NAV3: variants seen among roughly 807,000 people sequenced by gnomAD.
NAV3 encodes the protein pore membrane and/or filament interacting like protein 1.
Under a neutral mutation model 244.7 loss-of-function variants are expected in NAV3, and 87 were observed. That is an observed-to-expected ratio of 0.36 (90% CI 0.30 to 0.42). The LOEUF (loss-of-function observed/expected upper bound fraction) is 0.42, where lower values mean the gene tolerates loss of function less well. NAV3 is among the 20% of genes least tolerant of loss of function. The pLI is 1.00. For synonymous variants in NAV3, 1,126 were observed against 1,042.2 expected (o/e 1.08, Z -1.55); for missense variants, 2,663 against 2,893.3 (o/e 0.92, Z 1.83).
intron 2 of NAV3, among the ~76,000 whole-genome samples, chr12:77,765,486 G>C (rs1030397456): frequency 6.6e-6 from 1 of 152,120 alleles, no homozygotes; most frequent in African/African-American, 2.4e-5. Context: ...ACTCACAAGA[G>C]CACAAAAGCA....
intron 2 of NAV3, among the ~76,000 whole-genome samples, chr12:77,588,174 G>A (rs1869721984): frequency 6.9e-6 from 1 of 144,204 alleles, no homozygotes; most frequent in African/African-American, 2.5e-5. Flanking sequence ...CTGAAGTGCA[G>A]TGGTGTGATC....
intron 13 of NAV3, 21 bp from the exon 14 acceptor site, chr12:78,118,006 C>A: frequency 1.3e-6 from 2 of 1,522,546 alleles, no homozygotes; most frequent in South Asian, 1.3e-5. Context: ...TAAAGTTTTT[C>A]TGTAATATTT....
intron 8 of NAV3, among the ~76,000 whole-genome samples, chr12:78,016,997 A>AAC (rs1206039846): frequency 6.6e-6 from 1 of 152,120 alleles, no homozygotes; most frequent in African/African-American, 2.4e-5. Flanking sequence ...CATGGAGTTA[A>AAC]ACTGCAGGGT....
At chr12:77,952,815 G>T (rs1891027518) in intron 3 of NAV3, among the ~76,000 whole-genome samples, 1 of 152,140 alleles carries the variant, frequency 6.6e-6, no homozygotes, top group Non-Finnish European at 1.5e-5. Flanking sequence ...CTGGGAGAGG[G>T]AGTGGTCTTG....
At chr12:77,675,700 C>G (rs1342325413) in intron 2 of NAV3, among the ~76,000 whole-genome samples, 2 of 152,144 alleles carry the variant, frequency 1.3e-5, no homozygotes, top group African/African-American at 4.8e-5. Flanking sequence ...CTCAGACCAC[C>G]TTCCTCTCAA....
intron 9 of NAV3, among the ~76,000 whole-genome samples, chr12:78,049,702 A>G (rs1368786994): frequency 1.3e-5 from 2 of 152,156 alleles, no homozygotes; most frequent in East Asian, 3.9e-4. Context: ...GATCCCAGCA[A>G]CATGGATTAG....
intron 5 of NAV3, among the ~76,000 whole-genome samples, chr12:77,993,150 T>C (rs535410675): frequency 6.6e-6 from 1 of 152,292 alleles, no homozygotes; most frequent in African/African-American, 2.4e-5. Flanking sequence ...AGATTTATAT[T>C]ATGGCACGTC....
At chr12:77,676,052 G>A (rs1874189654) in intron 2 of NAV3, among the ~76,000 whole-genome samples, 1 of 152,128 alleles carries the variant, frequency 6.6e-6, no homozygotes, top group South Asian at 2.1e-4. Flanking sequence ...CACATGGGAA[G>A]CAAGCAGCTT....
chr12:77,895,377 T>C (rs1286022886), intron 1 of NAV3, among the ~76,000 whole-genome samples: 3 of 151,066 alleles, frequency 2.0e-5, no homozygotes. Flanking sequence ...AATAGCAGAT[T>C]GTGGGTGATA....
At chr12:77,782,927 A>G (rs768599324) in intron 2 of NAV3, among the ~76,000 whole-genome samples, 2 of 152,084 alleles carry the variant, frequency 1.3e-5, no homozygotes, top group African/African-American at 2.4e-5. Context: ...TGCTGATGCA[A>G]TGTCACAGGC....
chr12:77,580,364 C>T (rs554081415), intron 2 of NAV3, among the ~76,000 whole-genome samples: 1 of 152,246 alleles, frequency 6.6e-6, no homozygotes, highest in East Asian at 1.9e-4. Context: ...TTCTACTGAG[C>T]TGCATCTTAG....
intron 11 of NAV3, chr12:78,056,450 C>A (rs993020129): frequency 2.6e-5 from 4 of 152,160 alleles, no homozygotes; most frequent in Non-Finnish European, 5.9e-5. Flanking sequence ...TTATGCTGGC[C>A]GGGTATGGTG....
chr12:77,711,482 G>C (rs1046842153), intron 2 of NAV3, among the ~76,000 whole-genome samples: 1 of 152,312 alleles, frequency 6.6e-6, no homozygotes, highest in East Asian at 1.9e-4. Context: ...TGCTGAAAAT[G>C]GGAAAAGGGT....
At chr12:77,643,825 C>A (rs1872517728) in intron 2 of NAV3, among the ~76,000 whole-genome samples, 1 of 151,974 alleles carries the variant, frequency 6.6e-6, no homozygotes. Context: ...AAAGCAAGAA[C>A]CTTAAATTTA....
intron 2 of NAV3, among the ~76,000 whole-genome samples, chr12:77,823,795 CT>C (rs995222227): frequency 6.6e-6 from 1 of 152,040 alleles, no homozygotes; most frequent in Non-Finnish European, 1.5e-5. Flanking sequence ...TGGAAACATA[CT>C]TAAGAAATGG....
intron 2 of NAV3, among the ~76,000 whole-genome samples, chr12:77,655,374 A>C (rs1480522103): frequency 6.6e-6 from 1 of 152,214 alleles, no homozygotes; most frequent in Non-Finnish European, 1.5e-5. Flanking sequence ...AGATGAAATG[A>C]ATGAAGTGAA....
In NAV3 at chr12:78,118,214, C is replaced by G. The variant is rs2138572972; in HGVS notation, c.2957C>G (p.Thr986Arg). 1 of 1,613,988 alleles carries G rather than the reference C, an allele frequency of 6.2e-7. No homozygotes were observed. Among genetic ancestry groups the G allele is most frequent in the South Asian group, 1.1e-5 (1 of 91,062 alleles). ...GQKASLSVSQ[T>R]GSWRRGMSAQ... Reference sequence around the variant, plus strand: ...AAAGCTTCCCTGTCTGTTTCACAGACAGGTTCCTGGAGAAGAGGCATGTCT... The same window carrying G: ...AAAGCTTCCCTGTCTGTTTCACAGAGAGGTTCCTGGAGAAGAGGCATGTCT... The change falls in exon 14 of 40, where the codon ACA becomes AGA. Residue 986 changes from threonine (T) to arginine (R), a missense_variant. By Grantham distance (71) the Thr-to-Arg change is moderately conservative. This residue lies in a region of NAV3 where 1,521 missense variants were observed against 1,497.0 expected (regional missense o/e 1.02). Transcript: ENST00000397909.
chr12:77,860,913 C>A (rs1366609432), intron 1 of NAV3, among the ~76,000 whole-genome samples: 1 of 151,880 alleles, frequency 6.6e-6, no homozygotes, highest in East Asian at 1.9e-4. Flanking sequence ...CAGACTTGAT[C>A]AATTTGGCCT....
At chr12:77,927,573 A>G (rs1393754529) in intron 1 of NAV3, among the ~76,000 whole-genome samples, 1 of 152,208 alleles carries the variant, frequency 6.6e-6, no homozygotes, top group Admixed American at 6.5e-5. Context: ...TATTTAAAGT[A>G]TTTAAAATAG....
Sources: gnomAD v4.1 joint callset for allele counts (sites outside exome capture counted in the v4.1 genomes callset) on GRCh38, gnomAD v4.1.1 for gene constraint, gnomAD v4.1.1 regional missense constraint, MANE v1.5 for transcripts, NCBI Gene and HGNC (gene_info 2026-07-23, HGNC 2026-07-21) for gene names.